SEC24B: variants seen among roughly 807,000 people sequenced by gnomAD.
SEC24B encodes the protein protein transport protein Sec24B.
In SEC24B, 45 loss-of-function variants were observed where a neutral mutation model predicts 142.8. The observed-to-expected ratio is 0.32, with a 90% confidence interval of 0.25 to 0.40. The LOEUF is 0.40. Ranked by LOEUF, SEC24B falls within the 10% of genes least tolerant of loss-of-function variation. The probability of loss-of-function intolerance (pLI) is 1.00; values close to 1 mark genes in which losing one functional copy is unlikely to be tolerated. For missense variants in SEC24B, 1,409 were observed against 1,526.8 expected, an observed-to-expected ratio of 0.92 and a Z score of 1.29; for synonymous variants, 574 against 568.2, an observed-to-expected ratio of 1.01 and a Z score of -0.15.
intron 6 of SEC24B, among the ~76,000 whole-genome samples, chr4:109,502,487 A>G (rs531095351): frequency 1.3e-5 from 2 of 152,332 alleles, no homozygotes; most frequent in Non-Finnish European, 2.9e-5. Flanking sequence ...AGGTAGTATC[A>G]TGGAGGTTGT....
At chr4:109,502,303 G>A (rs1736232034) in intron 6 of SEC24B, among the ~76,000 whole-genome samples, 1 of 152,116 alleles carries the variant, frequency 6.6e-6, no homozygotes, top group Non-Finnish European at 1.5e-5. Flanking sequence ...CATAAGAGAG[G>A]TATCAGAGAT....
chr4:109,534,279 G>GTTT (rs11392714), intron 22 of SEC24B, among the ~76,000 whole-genome samples: 41 of 147,584 alleles, frequency 2.8e-4, no homozygotes, highest in African/African-American at 3.9e-4. Flanking sequence ...AATATTTGTG[G>GTTT]TTTTTTTTTT....
At chr4:109,496,173 C>T (rs889512604) in intron 6 of SEC24B, among the ~76,000 whole-genome samples, 10 of 151,132 alleles carry the variant, frequency 6.6e-5, no homozygotes, top group Admixed American at 3.3e-4. Context: ...AGTGCAGTGG[C>T]GCTATCTCAG....
intron 4 of SEC24B, among the ~76,000 whole-genome samples, chr4:109,482,979 T>TATATATACACAC (rs781527364): frequency 4.9e-4 from 13 of 26,414 alleles, no homozygotes; most frequent in South Asian, 1.7e-3. Flanking sequence ...TATATATATA[T>TATATATACACAC]ACACACACAC....
In SEC24B at chr4:109,437,591, T is replaced by C. The variant is rs188099675; in HGVS notation, c.133+3589T>C. On this transcript the variant is annotated intron_variant, in intron 1 of 23. Transcript: ENST00000265175. The stretch of plus-strand genomic sequence containing the variant: ...AGGTGTGAGCCACTGGGCTGGGCCC[T>C]GTTTTTTCTTTTACAAGTGGTTAGC... Among the ~76,000 whole-genome samples, 7 of 152,310 alleles carry C rather than the reference T, an allele frequency of 4.6e-5. No homozygotes were observed. The East Asian group carries it at 1.2e-3, about 25-fold the overall frequency.
intron 2 of SEC24B, among the ~76,000 whole-genome samples, chr4:109,470,666 C>T (rs1732420696): frequency 6.6e-6 from 1 of 152,140 alleles, no homozygotes; most frequent in South Asian, 2.1e-4. Flanking sequence ...TTCATAGTTG[C>T]ACTGTTTGTG....
Position 109,463,381 on chromosome 4 carries a change from A to T in SEC24B, c.614A>T (p.Asp205Val). Residue 205 changes from aspartate (D) to valine (V), a missense_variant, in exon 2 of 24, where the codon GAT becomes GTT. Transcript: ENST00000265175. ...TCATATCCCTCTCTGCCTGCTGGTG[A>T]TACATATGGGCAAATGTTTACCTCA... ...SVSYPSLPAG[D>V]TYGQMFTSQN... 3 of 1,614,134 alleles carry T rather than the reference A, an allele frequency of 1.9e-6. No homozygotes were observed. Among genetic ancestry groups the T allele is most frequent in the Non-Finnish European group, 2.5e-6 (3 of 1,180,014 alleles).
In SEC24B at chr4:109,499,830, TTTTATC is replaced by T. The variant is rs540871366; in HGVS notation, c.1488+4980_1488+4985del. ...TTTATGTATTTACTCATACTAAACT[TTTTATC>T]TTTATTTTAGAGTGTACTCCTTCTA... On this transcript the variant is annotated intron_variant, in intron 6 of 23. Transcript: ENST00000265175. Among the ~76,000 whole-genome samples the T allele has an allele frequency of 3.1e-3, 466 of 152,316 alleles. 4 individuals carry two copies. The highest frequency in any genetic ancestry group is 0.01 in the African/African-American group (431 of 41,556).
chr4:109,494,741 C>G lies in SEC24B; in HGVS notation c.1373C>G (p.Pro458Arg). ...CCTCAGCCTTCAAAAATGGCTAAGCCTTTTGGCTATGGCTATCCAACACTT... is the reference window on the plus strand; with the variant it reads ...CCTCAGCCTTCAAAAATGGCTAAGCGTTTTGGCTATGGCTATCCAACACTT... The part of the protein sequence containing the change: ...VVPQPSKMAK[P>R]FGYGYPTLQP... The change falls in exon 6 of 24, where the codon CCT (proline) becomes CGT (arginine). Residue 458 changes from proline (P) to arginine (R), a missense_variant. This residue lies in a region of SEC24B where 709 missense variants were observed against 673.5 expected (regional missense o/e 1.05). Coordinates refer to ENST00000265175, the MANE Select transcript of SEC24B (RefSeq NM_006323.5). 2 of 1,614,212 alleles carry G rather than the reference C, an allele frequency of 1.2e-6. No individual in the cohort carries two copies. The highest frequency in any genetic ancestry group is 1.1e-5 in the South Asian group (1 of 91,086).
intron 2 of SEC24B, among the ~76,000 whole-genome samples, chr4:109,466,850 C>T (rs1373596524): frequency 1.3e-5 from 2 of 152,130 alleles, no homozygotes; most frequent in African/African-American, 4.8e-5. Context: ...AAGTATAAAC[C>T]TGAGTTAAGC....
rs185234903 is a variant in SEC24B, at chr4:109,502,859, G to A, written c.1489-3469G>A. Among the ~76,000 whole-genome samples, 504 of 151,992 alleles carry A rather than the reference G, an allele frequency of 3.3e-3. 4 individuals are homozygous for A. Among genetic ancestry groups the A allele is most frequent in the African/African-American group, 0.01 (433 of 41,484 alleles). On this transcript the variant is annotated intron_variant, in intron 6 of 23. Coordinates refer to ENST00000265175, the MANE Select transcript of SEC24B (RefSeq NM_006323.5). ...AGCAAAAAATTTTTTTATAATTATT[G>A]GTCATATGTATTTCTTTACTGAAAT...
Position 109,510,341 on chromosome 4 carries a change from A to C in SEC24B, c.1776+230A>C, listed in dbSNP as rs147845537. ...CAAGTCATTGAAGTTGCCTCCAAAA[A>C]GTTCTTATCTAACAGGGAACAAAGA... On this transcript the variant is annotated intron_variant, in intron 8 of 23. Coordinates refer to ENST00000265175, the MANE Select transcript of SEC24B (RefSeq NM_006323.5). Among the ~76,000 whole-genome samples the C allele has an allele frequency of 7.6e-3, 1,163 of 152,342 alleles. 4 individuals carry two copies. Among genetic ancestry groups the C allele is most frequent in the Non-Finnish European group, 0.012 (839 of 68,024 alleles).
chr4:109,454,051 T>A (rs1408735927), intron 1 of SEC24B, among the ~76,000 whole-genome samples: 1 of 151,836 alleles, frequency 6.6e-6, no homozygotes, highest in Non-Finnish European at 1.5e-5. Context: ...AGAGACAGGG[T>A]TTCTCCATGT....
chr4:109,471,910 C>T (rs570518232), intron 2 of SEC24B, among the ~76,000 whole-genome samples: 1 of 152,224 alleles, frequency 6.6e-6, no homozygotes, highest in South Asian at 2.1e-4. Context: ...TGCTCTGATT[C>T]AAAGGGTGGT....
intron 18 of SEC24B, among the ~76,000 whole-genome samples, chr4:109,529,840 C>T (rs1724699928): frequency 1.3e-5 from 2 of 152,136 alleles, no homozygotes; most frequent in Admixed American, 6.6e-5. Flanking sequence ...CTCAAGCAGT[C>T]CTCCTACTTC....
chr4:109,475,922 T>C (rs1158967388), intron 3 of SEC24B, among the ~76,000 whole-genome samples: 1 of 152,116 alleles, frequency 6.6e-6, no homozygotes, highest in Non-Finnish European at 1.5e-5. Context: ...TATCTATGAC[T>C]TTAAGTCTCT....
intron 18 of SEC24B, among the ~76,000 whole-genome samples, chr4:109,529,474 A>G (rs1724651592): frequency 6.6e-6 from 1 of 152,178 alleles, no homozygotes. Context: ...ATATTATTGT[A>G]GAAAAATAAG....
chr4:109,510,037 C>A lies in SEC24B; in HGVS notation c.1702C>A (p.Pro568Thr). ...ATTTCGGTGTACTTTGACAAATATT[C>A]CACAGACACAGGCTTTACTGAATAA... ...DSFRCTLTNI[P>T]QTQALLNKAK... is the part of the protein sequence containing the mutation. Residue 568 changes from proline to threonine, a missense_variant, in exon 8 of 24, where the codon CCA (proline) becomes ACA (threonine). Pro to Thr is a conservative substitution (Grantham distance 38). Coordinates refer to ENST00000265175, the MANE Select transcript of SEC24B (RefSeq NM_006323.5). 1 of 1,607,956 alleles carries A rather than the reference C, an allele frequency of 6.2e-7. No individual in the cohort carries two copies. Among genetic ancestry groups the A allele is most frequent in the South Asian group, 1.1e-5 (1 of 89,566 alleles).
chr4:109,515,339 A>G (rs1262993514), intron 10 of SEC24B, among the ~76,000 whole-genome samples: 2 of 152,092 alleles, frequency 1.3e-5, no homozygotes, highest in Non-Finnish European at 1.5e-5. Flanking sequence ...CTGACCTCGT[A>G]ATCCACCGGC....
Sources: allele counts gnomAD v4.1 joint callset (sites outside exome capture counted in the v4.1 genomes callset), GRCh38; gene constraint gnomAD v4.1.1; regional missense constraint gnomAD v4.1.1; transcripts MANE v1.5; gene names NCBI Gene and HGNC (gene_info 2026-07-23, HGNC 2026-07-21).